Variants in TXNL4A observed in about 807,000 individuals in gnomAD.
The protein encoded by TXNL4A is thioredoxin like 4A.
TXNL4A carries 17 observed loss-of-function variants against 14.6 expected under a neutral mutation model. The observed-to-expected ratio is 1.16, with a 90% CI of 0.80 to 1.74. TXNL4A has a LOEUF of 1.74. Among genes scored for constraint, TXNL4A ranks in the 40% most tolerant of loss-of-function variants. TXNL4A has a pLI of 0.00. For synonymous variants in TXNL4A, 83 were observed against 70.6 expected, an observed-to-expected ratio of 1.18 and a Z score of -0.88; for missense variants, 74 against 195.2, an observed-to-expected ratio of 0.38 and a Z score of 3.70.
At chr18:79,987,235 A>G (rs1380534938) in intron 1 of TXNL4A, among the ~76,000 whole-genome samples, 1 of 152,250 alleles carries the variant, frequency 6.6e-6, no homozygotes, top group Non-Finnish European at 1.5e-5. Flanking sequence ...ATATAACAAC[A>G]GTTCCTAACT....
chr18:79,986,655 G>C (rs554180626), intron 1 of TXNL4A: 19 of 985,404 alleles, frequency 1.9e-5, no homozygotes, highest in Non-Finnish European at 2.2e-5. Flanking sequence ...AGCTGTGCTC[G>C]GATGTGATGA....
At chr18:80,003,537 A>T (rs2051710761) in intron 1 of TXNL4A, among the ~76,000 whole-genome samples, 1 of 151,980 alleles carries the variant, frequency 6.6e-6, no homozygotes, top group South Asian at 2.1e-4. Flanking sequence ...TTCAGTTATA[A>T]TTTTTTTGTT....
intron 1 of TXNL4A, among the ~76,000 whole-genome samples, chr18:80,013,001 C>T (rs1283754186): frequency 1.3e-5 from 2 of 150,760 alleles, no homozygotes; most frequent in Non-Finnish European, 2.9e-5. Context: ...GTCGGGGTTT[C>T]GTACATAGCA....
At chr18:80,029,460 G>A (rs1332934223) in intron 1 of TXNL4A, among the ~76,000 whole-genome samples, 1 of 152,142 alleles carries the variant, frequency 6.6e-6, no homozygotes, top group Admixed American at 6.5e-5. Context: ...AGCTTTCCCT[G>A]CAGGCAAGCC....
intron 1 of TXNL4A, chr18:79,977,974 G>A (rs1434248781): frequency 1.3e-5 from 5 of 386,480 alleles, no homozygotes; most frequent in Non-Finnish European, 2.3e-5. Flanking sequence ...TGGCCAACGG[G>A]GCAATTTTCA....
upstream of TXNL4A, among the ~76,000 whole-genome samples, chr18:79,990,290 T>G (rs575751018): frequency 1.3e-5 from 2 of 152,370 alleles, no homozygotes; most frequent in African/African-American, 4.8e-5. Context: ...TGGTAGGATA[T>G]TAGAGATCAT....
intron 2 of TXNL4A, among the ~76,000 whole-genome samples, chr18:79,974,213 G>C (rs1434190900): frequency 6.6e-6 from 1 of 152,134 alleles, no homozygotes; most frequent in Non-Finnish European, 1.5e-5. Context: ...CGGAGTCCGA[G>C]ATCAACATGG....
chr18:80,032,169 T>G lies in TXNL4A; in HGVS notation c.-61+1682A>C, dbSNP rs1177456143. Among the ~76,000 whole-genome samples, 6 of 152,166 alleles carry G rather than the reference T, an allele frequency of 3.9e-5. No individual in the cohort carries two copies. The East Asian group carries it at 9.6e-4, about 24-fold the overall frequency. On this transcript the variant is annotated intron_variant, in intron 1 of 2. Transcript: ENST00000585474. ...TTCCTTTCCTCCCTATTTTTTATCT[T>G]CGTGGGACATGATCTCCTAGGAATG...
chr18:79,979,215 G>C (rs1284539006), intron 1 of TXNL4A: 1 of 152,226 alleles, frequency 6.6e-6, no homozygotes, highest in Non-Finnish European at 1.5e-5. Flanking sequence ...TGGGATTACA[G>C]GCGTGAGCCA....
intron 2 of TXNL4A, 107 bp from the exon 3 acceptor site, chr18:79,973,963 C>T (rs576136010): frequency 3.4e-4 from 501 of 1,464,202 alleles, no homozygotes; most frequent in Non-Finnish European, 4.5e-4. Context: ...TTGTTAACAT[C>T]ACTGAAGAAC....
upstream of TXNL4A, among the ~76,000 whole-genome samples, chr18:79,991,895 G>A (rs1437727552): frequency 6.6e-6 from 1 of 152,214 alleles, no homozygotes; most frequent in African/African-American, 2.4e-5. Flanking sequence ...GCCCGAGGTG[G>A]TCGGGGCACA....
In TXNL4A at chr18:79,977,588, G is replaced by C. The variant is rs563943079; in HGVS notation, c.257+10C>G. On this transcript the variant is annotated intron_variant, in intron 2 of 2. Transcript: ENST00000269601. ...TATTCAATTTCAGTAACAACTTTAA[G>C]ATAACGTACCTGAAGAAAAACATGA... The C allele has an allele frequency of 6.3e-6, 10 of 1,574,992 alleles. No individual in the cohort carries two copies. In the African/African-American group the frequency reaches 1.2e-4, roughly 19 times the overall value.
At chr18:79,980,789 A>G (rs1352590375) in intron 1 of TXNL4A, among the ~76,000 whole-genome samples, 1 of 151,810 alleles carries the variant, frequency 6.6e-6, no homozygotes, top group Non-Finnish European at 1.5e-5. Context: ...GCAACTCGCC[A>G]TCCATGTGCT....
At chr18:79,998,847 C>T (rs548842261) in intron 1 of TXNL4A, among the ~76,000 whole-genome samples, 2 of 152,194 alleles carry the variant, frequency 1.3e-5, no homozygotes, top group South Asian at 2.1e-4. Context: ...TCAGGCCCTT[C>T]TGACAAGACC....
At chr18:80,004,079 T>C (rs1200557583) in intron 1 of TXNL4A, among the ~76,000 whole-genome samples, 1 of 151,716 alleles carries the variant, frequency 6.6e-6, no homozygotes, top group Non-Finnish European at 1.5e-5. Context: ...TCATTCCTTC[T>C]TATCCTCCCA....
chr18:79,996,614 G>C (rs766878226), intron 1 of TXNL4A, among the ~76,000 whole-genome samples: 1 of 152,146 alleles, frequency 6.6e-6, no homozygotes, highest in Non-Finnish European at 1.5e-5. Context: ...GCTTCTTCTA[G>C]AATTGAAGCC....
At position 79,982,211 on chromosome 18, in the gene TXNL4A, A is replaced by G. The variant is rs1330896063; in HGVS notation, c.154-4510T>C. On this transcript the variant is annotated intron_variant, in intron 1 of 2. Coordinates refer to ENST00000269601, the MANE Select transcript of TXNL4A (RefSeq NM_006701.5). This position sits in a 1 kb window ranked among gnomAD's most constrained non-coding sequence, Gnocchi z 4.0. ...AGGTCTCAGATCCAGCACCAGGGCA[A>G]GGAAGCAGAAGTGCAGGACAGTGGG... Among the ~76,000 whole-genome samples the G allele has an allele frequency of 6.7e-6, 1 of 149,258 alleles. No individual in the cohort carries two copies. Among genetic ancestry groups the G allele is most frequent in the African/African-American group, 2.4e-5 (1 of 41,140 alleles).
At chr18:80,000,428 A>G (rs1325448815) in intron 1 of TXNL4A, among the ~76,000 whole-genome samples, 2 of 152,202 alleles carry the variant, frequency 1.3e-5, no homozygotes, top group Non-Finnish European at 2.9e-5. Flanking sequence ...TTTGAACTTG[A>G]GGGAGATGAT....
intron 1 of TXNL4A, among the ~76,000 whole-genome samples, chr18:80,014,024 T>C (rs1370815878): frequency 6.6e-6 from 1 of 152,146 alleles, no homozygotes; most frequent in Non-Finnish European, 1.5e-5. Flanking sequence ...AAGAGACTTA[T>C]TCACTATCCT....
Sources: gnomAD v4.1 joint callset for allele counts (sites outside exome capture counted in the v4.1 genomes callset) on GRCh38, gnomAD v4.1.1 for gene constraint, Gnocchi (gnomAD v3.1) non-coding constraint, MANE v1.5 for transcripts, NCBI Gene and HGNC (gene_info 2026-07-23, HGNC 2026-07-21) for gene names.